Variants in RELCH observed in about 807,000 individuals in gnomAD.
RELCH encodes RAB11 binding and LisH domain, coiled-coil and HEAT repeat containing.
In RELCH, 41 loss-of-function variants were observed where a neutral mutation model predicts 150.3. That is an observed-to-expected ratio of 0.27 (90% CI 0.21 to 0.35). The LOEUF (loss-of-function observed/expected upper bound fraction) is 0.35. Ranked by LOEUF, RELCH falls within the 10% of genes least tolerant of loss-of-function variation. The probability of loss-of-function intolerance (pLI) is 1.00; values close to 1 mark genes in which losing one functional copy is unlikely to be tolerated. For synonymous variants in RELCH, 478 were observed against 531.8 expected, an observed-to-expected ratio of 0.90 and a Z score of 1.39; for missense variants, 1,092 against 1,467.8, an observed-to-expected ratio of 0.74 and a Z score of 4.18.
At chr18:62,261,730 T>C in intron 16 of RELCH, 72 bp downstream of exon 16, 1 of 1,375,790 alleles carries the variant, frequency 7.3e-7, no homozygotes. Context: ...TTGTTTTTTA[T>C]TAAAAGTCTA....
chr18:62,191,708 A>G (rs544619619), intron 1 of RELCH, among the ~76,000 whole-genome samples: 121 of 152,280 alleles, frequency 7.9e-4, no homozygotes, highest in African/African-American at 2.8e-3. Flanking sequence ...TGTGCCTGCA[A>G]AGGACATGAT....
At chr18:62,275,534 AGAAG>A (rs2044160676) in intron 22 of RELCH, 61 bp downstream of exon 22, 1 of 1,036,952 alleles carries the variant, frequency 9.6e-7, no homozygotes, top group Non-Finnish European at 1.5e-6. Context: ...TTTGCGAAGA[AGAAG>A]GGAATTTTTT....
chr18:62,287,677 T>C (rs142434740), intron 26 of RELCH, among the ~76,000 whole-genome samples: 1,754 of 152,330 alleles, frequency 0.012, 10 homozygotes, highest in Middle Eastern at 0.065. Flanking sequence ...GCTTTTATGT[T>C]CTATAGTTTT....
At chr18:62,257,722 G>C (rs2043058695) in intron 13 of RELCH, among the ~76,000 whole-genome samples, 1 of 151,920 alleles carries the variant, frequency 6.6e-6, no homozygotes, top group Non-Finnish European at 1.5e-5. Context: ...TAGAGAGGAA[G>C]GGATTTGGGC....
chr18:62,293,195 C>T (rs773785312), intron 27 of RELCH, among the ~76,000 whole-genome samples: 1 of 152,132 alleles, frequency 6.6e-6, no homozygotes, highest in Non-Finnish European at 1.5e-5. Flanking sequence ...CACTCAAAGG[C>T]TATATTACAT....
At chr18:62,290,078 T>C (rs952383687) in intron 26 of RELCH, among the ~76,000 whole-genome samples, 4 of 152,232 alleles carry the variant, frequency 2.6e-5, no homozygotes, top group Non-Finnish European at 5.9e-5. Context: ...TTTTAATACC[T>C]GTTAAATTTA....
rs770631252 is a variant in RELCH, at chr18:62,228,301, A to G, written c.1155-4A>G. 1 of 1,601,406 alleles carries G rather than the reference A, an allele frequency of 6.2e-7. No homozygotes were observed. Among genetic ancestry groups the G allele is most frequent in the Admixed American group, 1.7e-5 (1 of 57,404 alleles). On this transcript the variant is annotated splice_region_variant and splice_polypyrimidine_tract_variant and intron_variant, in intron 7 of 28. Transcript: ENST00000644646. ...GTGATTTCTCTTAATTTCTCTTTCT[A>G]CAGTGAAATGGACTTCCTCAAAAAT...
chr18:62,259,076 T>C (rs2043132495), intron 15 of RELCH, among the ~76,000 whole-genome samples: 1 of 152,048 alleles, frequency 6.6e-6, no homozygotes, highest in South Asian at 2.1e-4. Context: ...CTGTGGTTAT[T>C]CCACTCCAGT....
At chr18:62,296,808 G>A (rs904713545) in intron 27 of RELCH, among the ~76,000 whole-genome samples, 8 of 152,218 alleles carry the variant, frequency 5.3e-5, no homozygotes, top group Admixed American at 5.2e-4. Context: ...TGTTGATACA[G>A]TGTATTACAT....
intron 1 of RELCH, among the ~76,000 whole-genome samples, chr18:62,193,030 T>C (rs1488338851): frequency 2.0e-5 from 3 of 151,986 alleles, no homozygotes; most frequent in African/African-American, 7.2e-5. Flanking sequence ...ATTTATTGTG[T>C]TCTCTCTATT....
chr18:62,241,813 G>C (rs1383474664), intron 10 of RELCH, among the ~76,000 whole-genome samples: 2 of 152,052 alleles, frequency 1.3e-5, no homozygotes, highest in Non-Finnish European at 2.9e-5. Flanking sequence ...TTCTGGTGTG[G>C]ATTTATTAGT....
intron 12 of RELCH, among the ~76,000 whole-genome samples, chr18:62,253,087 T>C (rs2042809482): frequency 6.6e-6 from 1 of 152,082 alleles, no homozygotes; most frequent in Non-Finnish European, 1.5e-5. Context: ...ATTTATATTA[T>C]GAAGAAGAAA....
At chr18:62,207,807 C>G (rs2039906715) in intron 1 of RELCH, among the ~76,000 whole-genome samples, 2 of 152,200 alleles carry the variant, frequency 1.3e-5, no homozygotes, top group South Asian at 4.1e-4. Context: ...AACCCTGTAC[C>G]TATTACCAGT....
At position 62,187,489 on chromosome 18, in the gene RELCH, A is replaced by G. The variant is rs2038191059; in HGVS notation, c.-17A>G. ...CGGAACCAGTCAGGGAGGCGCCCAC[A>G]CTCCTGACAGGATAAGATGGCGGCG... On this transcript the variant is annotated 5_prime_UTR_variant, in exon 1 of 29. Coordinates refer to ENST00000644646, the MANE Select transcript of RELCH (RefSeq NM_001346231.2). 2 of 1,500,508 alleles carry G rather than the reference A, an allele frequency of 1.3e-6. No individual in the cohort carries two copies. Among genetic ancestry groups the G allele is most frequent in the African/African-American group, 2.8e-5 (2 of 71,410 alleles). 92.9% of individuals were successfully genotyped at this position (1,500,508 alleles called of 1,614,324 possible). A position where few individuals can be genotyped will look rare whatever the true frequency, so the allele number is the denominator to read the frequency against.
chr18:62,258,960 C>A (rs2043124158), intron 15 of RELCH, among the ~76,000 whole-genome samples: 1 of 151,960 alleles, frequency 6.6e-6, no homozygotes, highest in Non-Finnish European at 1.5e-5. Flanking sequence ...TCTTTCTTGA[C>A]CCTTCTGAGT....
intron 10 of RELCH, among the ~76,000 whole-genome samples, chr18:62,241,677 C>T (rs1174805539): frequency 6.6e-6 from 1 of 151,894 alleles, no homozygotes; most frequent in Non-Finnish European, 1.5e-5. Flanking sequence ...ATGCTGTATT[C>T]AGAATTATAA....
At chr18:62,291,354 A>G (rs2045123271) in intron 26 of RELCH, among the ~76,000 whole-genome samples, 189 bp from the exon 27 acceptor site, 1 of 152,226 alleles carries the variant, frequency 6.6e-6, no homozygotes, top group Non-Finnish European at 1.5e-5. Context: ...AATAAACACA[A>G]TTGACTCCTG....
At chr18:62,190,360 C>T (rs889823132) in intron 1 of RELCH, among the ~76,000 whole-genome samples, 1 of 152,068 alleles carries the variant, frequency 6.6e-6, no homozygotes. Flanking sequence ...AGCCAGATCA[C>T]GAGGTCAGGA....
chr18:62,259,761 A>G (rs750160776), intron 15 of RELCH, among the ~76,000 whole-genome samples: 9 of 151,964 alleles, frequency 5.9e-5, no homozygotes, highest in Admixed American at 2.6e-4. Context: ...GTAACCAAAC[A>G]TCTTGGTATT....
Sources: allele counts gnomAD v4.1 joint callset (sites outside exome capture counted in the v4.1 genomes callset), GRCh38; gene constraint gnomAD v4.1.1; transcripts MANE v1.5; gene names NCBI Gene and HGNC (gene_info 2026-07-23, HGNC 2026-07-21).